Variants in GALM observed in about 807,000 individuals in gnomAD.
The protein encoded by GALM is aldose 1-epimerase.
A neutral mutation model predicts 37.4 loss-of-function variants in GALM; 43 were observed. That is an observed-to-expected ratio of 1.15 (90% CI 0.90 to 1.48). The LOEUF (loss-of-function observed/expected upper bound fraction) is 1.48, where lower values mean the gene tolerates loss of function less well. Ranked by LOEUF, GALM falls within the 40% of genes most tolerant of loss-of-function variation. GALM has a pLI of 0.00. For missense variants in GALM, 456 were observed against 419.1 expected (o/e 1.09, Z -0.77); for synonymous variants, 199 against 170.6 (o/e 1.17, Z -1.30).
rs1256658469 is a variant in GALM, at chr2:38,734,183, G to C, written c.*618G>C. The C allele has an allele frequency of 6.4e-6, 1 of 156,680 alleles. No homozygotes were observed. The highest frequency in any genetic ancestry group is 1.4e-5 in the Non-Finnish European group (1 of 70,836). 9.7% of individuals were successfully genotyped at this position (156,680 alleles called of 1,614,324 possible). On this transcript the variant is annotated 3_prime_UTR_variant, in exon 7 of 7. Coordinates refer to ENST00000272252, the MANE Select transcript of GALM (RefSeq NM_138801.3). ...GAAGGCCGAGGCAGGCGGATCACGA[G>C]GTCAGGAGATCGAGACCATCCTGGC...
chr2:38,701,374 G>A (rs1369584256), intron 4 of GALM, among the ~76,000 whole-genome samples: 1 of 151,800 alleles, frequency 6.6e-6, no homozygotes, highest in Non-Finnish European at 1.5e-5. Context: ...CTCTTTATTT[G>A]TAGTAGTAGA....
At chr2:38,682,345 A>G in intron 3 of GALM, 1 of 418,340 alleles carries the variant, frequency 2.4e-6, no homozygotes, top group Non-Finnish European at 5.0e-6. Context: ...TGAAGAACTC[A>G]TCATTGTCTA....
At chr2:38,688,075 G>A (rs555127259) in intron 3 of GALM, among the ~76,000 whole-genome samples, 1 of 152,044 alleles carries the variant, frequency 6.6e-6, no homozygotes, top group East Asian at 1.9e-4. Context: ...AGCCAAGTGT[G>A]GTGGCACACG....
intron 4 of GALM, among the ~76,000 whole-genome samples, chr2:38,719,731 G>A (rs985870686): frequency 6.9e-6 from 1 of 144,584 alleles, no homozygotes; most frequent in Admixed American, 7.2e-5. Context: ...CCGAGATCAC[G>A]CCATTGCACT....
At chr2:38,724,926 G>C (rs1350825105) in intron 4 of GALM, among the ~76,000 whole-genome samples, 1 of 152,174 alleles carries the variant, frequency 6.6e-6, no homozygotes, top group Non-Finnish European at 1.5e-5. Context: ...TAACAGGAAA[G>C]AGACCTGATG....
chr2:38,717,820 G>A lies in GALM; in HGVS notation c.635-11736G>A, dbSNP rs1014278032. ...TGCATAGATTTGTAAAGCAAAATAC[G>A]GAACAAATTATATAAAACCATTTTC... is the stretch of plus-strand genomic sequence containing the variant. On this transcript the variant is annotated intron_variant, in intron 4 of 6. Transcript: ENST00000272252. 7.9e-5 allele frequency among the ~76,000 whole-genome samples: 12 copies of A among 151,430 alleles called. 1 individual carries two copies. The highest frequency in any genetic ancestry group is 2.7e-4 in the African/African-American group (11 of 41,284).
chr2:38,675,543 T>TTGTGTGTGTGTG (rs1160196072), intron 1 of GALM, among the ~76,000 whole-genome samples: 22 of 33,652 alleles, frequency 6.5e-4, no homozygotes, highest in East Asian at 1.7e-3. Context: ...TTTTTTTTTT[T>TTGTGTGTGTGTG]TGTGTGTGTG....
chr2:38,698,369 G>A (rs1297765579), intron 4 of GALM: 2 of 1,304,192 alleles, frequency 1.5e-6, no homozygotes, highest in African/African-American at 3.0e-5. Context: ...ATGGCAGGTG[G>A]CACCAACAGA....
intron 4 of GALM, among the ~76,000 whole-genome samples, chr2:38,713,089 G>T (rs1335892368): frequency 6.6e-6 from 1 of 152,146 alleles, no homozygotes; most frequent in East Asian, 1.9e-4. Flanking sequence ...GACTGTGGGA[G>T]CCTTGCGACT....
rs77975641 is a variant in GALM, at chr2:38,673,016, A to C, written c.191-2896A>C. ...AAGAGCAAAACTCCGTCTCAAAAAA[A>C]ACACAACACTCAGTAAGTGTTAGCT... On this transcript the variant is annotated intron_variant, in intron 1 of 6. Coordinates refer to ENST00000272252, the MANE Select transcript of GALM (RefSeq NM_138801.3). Among the ~76,000 whole-genome samples the C allele has an allele frequency of 2.5e-3, 375 of 152,286 alleles. 3 individuals carry two copies. The highest frequency in any genetic ancestry group is 0.02 in the East Asian group (102 of 5,166).
intron 4 of GALM, among the ~76,000 whole-genome samples, chr2:38,728,225 C>A (rs945210286): frequency 3.3e-5 from 5 of 152,118 alleles, no homozygotes; most frequent in African/African-American, 1.2e-4. Context: ...GAAACCCCAT[C>A]TCTACTAAAA....
chr2:38,673,079 C>T (rs1665153209), intron 1 of GALM, among the ~76,000 whole-genome samples: 1 of 152,136 alleles, frequency 6.6e-6, no homozygotes, highest in South Asian at 2.1e-4. Flanking sequence ...GATGCACCTG[C>T]AGATTAGCAA....
intron 1 of GALM, among the ~76,000 whole-genome samples, chr2:38,675,196 T>C (rs1315215330): frequency 6.6e-6 from 1 of 152,004 alleles, no homozygotes; most frequent in African/African-American, 2.4e-5. Flanking sequence ...CCACAACAAA[T>C]AGTTTTATAA....
At chr2:38,700,242 G>A (rs1378470797) in intron 4 of GALM, among the ~76,000 whole-genome samples, 4 of 152,036 alleles carry the variant, frequency 2.6e-5, no homozygotes, top group East Asian at 3.9e-4. Flanking sequence ...GTGAACCACC[G>A]CGCTCAGCCT....
chr2:38,721,723 C>T (rs1365376429), intron 4 of GALM, among the ~76,000 whole-genome samples: 3 of 152,022 alleles, frequency 2.0e-5, no homozygotes, highest in Non-Finnish European at 2.9e-5. Flanking sequence ...ACCAGGTTGC[C>T]CAGGTTGGTC....
chr2:38,717,804 T>G (rs1033770832), intron 4 of GALM, among the ~76,000 whole-genome samples: 2 of 150,422 alleles, frequency 1.3e-5, no homozygotes, highest in African/African-American at 4.9e-5. Flanking sequence ...TTGCATAGAT[T>G]TGTAAAGCAA....
intron 4 of GALM, among the ~76,000 whole-genome samples, chr2:38,709,955 T>C (rs1258993735): frequency 6.6e-6 from 1 of 152,126 alleles, no homozygotes; most frequent in East Asian, 1.9e-4. Context: ...GAAACAGACA[T>C]AATTGGAGCA....
rs759006832 is a variant in GALM, at chr2:38,733,481, T to A, written c.952-7T>A. 6.2e-7 allele frequency: 1 copy of A among 1,612,900 alleles called. No homozygotes were observed. Among genetic ancestry groups the A allele is most frequent in the Admixed American group, 1.7e-5 (1 of 59,996 alleles). On this transcript the variant is annotated splice_polypyrimidine_tract_variant and splice_region_variant and intron_variant, in intron 6 of 6. Coordinates refer to ENST00000272252, the MANE Select transcript of GALM (RefSeq NM_138801.3). ...CAAGCATCACCTGTGTTGTTTCCCC[T>A]TCACAGCCCCGCTTCCCTCCTGTGC...
At chr2:38,680,626 G>A (rs1665372157) in intron 2 of GALM, among the ~76,000 whole-genome samples, 1 of 152,002 alleles carries the variant, frequency 6.6e-6, no homozygotes, top group Non-Finnish European at 1.5e-5. Context: ...ATACCCCTAG[G>A]AGACAGGGGC....
Sources: gnomAD v4.1 joint callset for allele counts (sites outside exome capture counted in the v4.1 genomes callset) on GRCh38, gnomAD v4.1.1 for gene constraint, MANE v1.5 for transcripts, NCBI Gene and HGNC (gene_info 2026-07-23, HGNC 2026-07-21) for gene names.